Variants in MAP4K3 observed in about 807,000 individuals in gnomAD.
MAP4K3 encodes the protein MAPK/ERK kinase kinase kinase 3.
In MAP4K3, 94 loss-of-function variants were observed where a neutral mutation model predicts 143.5. That is an observed-to-expected ratio of 0.65 (90% CI 0.55 to 0.78). The LOEUF is 0.78. Among genes scored for constraint, MAP4K3 ranks in the 30% least tolerant of loss-of-function variants. MAP4K3 has a pLI of 0.00. For synonymous variants in MAP4K3, 416 were observed against 347.2 expected (o/e 1.20, Z -2.20); for missense variants, 1,077 against 1,068.1 (o/e 1.01, Z -0.12).
intron 18 of MAP4K3, among the ~76,000 whole-genome samples, chr2:39,292,366 G>C (rs565180970): frequency 6.6e-6 from 1 of 152,308 alleles, no homozygotes; most frequent in East Asian, 1.9e-4. Flanking sequence ...GGTTGTAACA[G>C]TGGGATCCTA....
chr2:39,436,552 GACC>G (rs1665487523), intron 1 of MAP4K3: 1 of 269,670 alleles, frequency 3.7e-6, no homozygotes, highest in Admixed American at 5.2e-5. Context: ...TCGTCGCGCT[GACC>G]CTGCCAACGC....
chr2:39,302,028 A>G (rs540825801), intron 15 of MAP4K3, among the ~76,000 whole-genome samples: 2 of 152,190 alleles, frequency 1.3e-5, no homozygotes, highest in Admixed American at 6.5e-5. Flanking sequence ...GTCTCAAAAA[A>G]TAATAATAAA....
intron 1 of MAP4K3, among the ~76,000 whole-genome samples, chr2:39,383,203 A>G (rs1301327992): frequency 6.6e-6 from 1 of 152,196 alleles, no homozygotes; most frequent in African/African-American, 2.4e-5. Context: ...TTATAAAGGA[A>G]AAAGGTTTAA....
chr2:39,310,951 C>T (rs900217315), intron 13 of MAP4K3, among the ~76,000 whole-genome samples: 1 of 152,108 alleles, frequency 6.6e-6, no homozygotes, highest in African/African-American at 2.4e-5. Flanking sequence ...ACCGCTAAAG[C>T]TTAATTTGTT....
intron 24 of MAP4K3, 117 bp from the exon 25 acceptor site, chr2:39,272,659 T>C: frequency 1.4e-6 from 1 of 715,758 alleles, no homozygotes; most frequent in Non-Finnish European, 2.4e-6. Context: ...AAGTAAATTA[T>C]TTTTAACATA....
intron 1 of MAP4K3, among the ~76,000 whole-genome samples, chr2:39,435,062 A>C (rs1665411216): frequency 6.6e-6 from 1 of 152,222 alleles, no homozygotes; most frequent in Non-Finnish European, 1.5e-5. Context: ...CCTAAAACGT[A>C]TACATTCATC....
At chr2:39,295,307 A>G (rs10193636) in intron 16 of MAP4K3, among the ~76,000 whole-genome samples, 2 of 151,370 alleles carry the variant, frequency 1.3e-5, no homozygotes, top group Non-Finnish European at 2.9e-5. Flanking sequence ...TTAAACACAC[A>G]CACAAAAGTA....
chr2:39,430,032 T>C (rs1665237209), intron 1 of MAP4K3, among the ~76,000 whole-genome samples: 1 of 152,216 alleles, frequency 6.6e-6, no homozygotes, highest in Non-Finnish European at 1.5e-5. Flanking sequence ...GGGTGGTATT[T>C]ATGACTGGCT....
intron 26 of MAP4K3, among the ~76,000 whole-genome samples, chr2:39,268,233 T>C (rs1180590086): frequency 6.6e-6 from 1 of 152,234 alleles, no homozygotes; most frequent in East Asian, 1.9e-4. Flanking sequence ...TCAAATGTCT[T>C]TTAAAATGTA....
rs375950010 is a variant in MAP4K3, at chr2:39,315,435, C to T, written c.919-47G>A. On this transcript the variant is annotated intron_variant, in intron 12 of 33. Coordinates refer to ENST00000263881, the MANE Select transcript of MAP4K3 (RefSeq NM_003618.4). ...GATATGCAGCATTTGATAATCAAGT[C>T]ATAGTTTGGTCCACAAAATTACCCA... 3 of 1,314,416 alleles carry T rather than the reference C, an allele frequency of 2.3e-6. No individual in the cohort carries two copies. The African/African-American group carries it at 4.4e-5, about 19-fold the overall frequency. The allele number at this position is 1,314,416 out of a possible 1,614,324, so 81.4% of individuals were successfully genotyped here. A position where few individuals can be genotyped will look rare whatever the true frequency, so the allele number is the denominator to read the frequency against.
intron 31 of MAP4K3, among the ~76,000 whole-genome samples, chr2:39,257,582 C>T (rs965367176): frequency 6.6e-6 from 1 of 151,966 alleles, no homozygotes; most frequent in South Asian, 2.1e-4. Context: ...GGGTGGATCA[C>T]GAGGTCAAGA....
chr2:39,295,864 G>A (rs1330611380), intron 16 of MAP4K3, among the ~76,000 whole-genome samples: 3 of 151,674 alleles, frequency 2.0e-5, no homozygotes, highest in East Asian at 1.9e-4. Flanking sequence ...GATTACAGGC[G>A]TGCACCACCA....
Position 39,260,773 on chromosome 2 carries a change from A to G in MAP4K3, c.2141T>C (p.Ile714Thr), listed in dbSNP as rs1680536940. 1.9e-6 allele frequency: 3 copies of G among 1,608,384 alleles called. No homozygotes were observed. The highest frequency in any genetic ancestry group is 1.7e-6 in the Non-Finnish European group (2 of 1,176,220). Residue 714 changes from isoleucine (I) to threonine (T), a missense_variant, in exon 29 of 34, where the codon ATA becomes ACA. By Grantham distance (89) the Ile-to-Thr change is moderately conservative. Around this residue, in one of 2 missense-constraint regions of MAP4K3, gnomAD observed 864 missense variants for 801.2 expected, o/e 1.08. Transcript: ENST00000263881. Reference sequence around the variant, plus strand: ...AAGTGGACATGGTATAGGAAAATCTATGTGCTAGAGAAAGAAACAAAAATA... The same window carrying G: ...AAGTGGACATGGTATAGGAAAATCTGTGTGCTAGAGAAAGAAACAAAAATA... ...PMQKFMLIKH[I>T]DFPIPCPLRM...
chr2:39,266,036 C>T (rs1261289340), intron 27 of MAP4K3, among the ~76,000 whole-genome samples: 1 of 152,122 alleles, frequency 6.6e-6, no homozygotes, highest in Non-Finnish European at 1.5e-5. Context: ...AGGAGGAGAA[C>T]AGCAAAACTG....
chr2:39,420,567 C>G (rs1667517596), intron 1 of MAP4K3, among the ~76,000 whole-genome samples: 1 of 151,706 alleles, frequency 6.6e-6, no homozygotes, highest in African/African-American at 2.4e-5. Context: ...CAGGCATGTG[C>G]CACCATGCCT....
intron 8 of MAP4K3, among the ~76,000 whole-genome samples, chr2:39,328,908 T>C (rs1683592435): frequency 6.6e-6 from 1 of 152,208 alleles, no homozygotes; most frequent in Non-Finnish European, 1.5e-5. Context: ...CATATGTGTT[T>C]AATTTTGAGA....
At chr2:39,370,235 T>G (rs1433431381) in intron 2 of MAP4K3, among the ~76,000 whole-genome samples, 1 of 152,204 alleles carries the variant, frequency 6.6e-6, no homozygotes, top group Non-Finnish European at 1.5e-5. Flanking sequence ...CAAGTCATAG[T>G]ATGATTCTAA....
intron 20 of MAP4K3, among the ~76,000 whole-genome samples, 164 bp downstream of exon 20, chr2:39,287,957 A>C (rs1307961129): frequency 6.6e-6 from 1 of 152,200 alleles, no homozygotes; most frequent in Non-Finnish European, 1.5e-5. Flanking sequence ...CTGTCATAAA[A>C]ACACTTTAAG....
intron 13 of MAP4K3, among the ~76,000 whole-genome samples, chr2:39,313,641 T>A (rs1347883821): frequency 6.6e-6 from 1 of 152,140 alleles, no homozygotes; most frequent in African/African-American, 2.4e-5. Flanking sequence ...GCCTCCCCAG[T>A]AGCTGGGACT....
Sources: gnomAD v4.1 joint callset for allele counts (sites outside exome capture counted in the v4.1 genomes callset) on GRCh38, gnomAD v4.1.1 for gene constraint, gnomAD v4.1.1 regional missense constraint, MANE v1.5 for transcripts, NCBI Gene and HGNC (gene_info 2026-07-23, HGNC 2026-07-21) for gene names.